The following NREP variants were observed in gnomAD, a reference collection of about 807,000 sequenced individuals.
NREP encodes the protein neuronal regeneration related protein, also known as neuronal regeneration-related protein.
A neutral mutation model predicts 8.6 loss-of-function variants in NREP; 5 were observed. That is an observed-to-expected ratio of 0.58 (90% confidence interval 0.30 to 1.22). The LOEUF (loss-of-function observed/expected upper bound fraction) is 1.22. Ranked by LOEUF, NREP falls within the 50% of genes most tolerant of loss-of-function variation. The pLI is 0.07. For missense variants in NREP, 86 were observed against 82.5 expected (o/e 1.04, Z -0.17); for synonymous variants, 27 against 28.0 (o/e 0.96, Z 0.11).
chr5:111,904,840 A>T (rs1754739366), intron 2 of NREP, among the ~76,000 whole-genome samples: 1 of 152,082 alleles, frequency 6.6e-6, no homozygotes, highest in African/African-American at 2.4e-5. Flanking sequence ...CCAAGAATAT[A>T]ACCACACCTG....
chr5:111,844,465 T>A lies in NREP; in HGVS notation c.136-108958A>T, dbSNP rs1276376157. 2.0e-5 allele frequency among the ~76,000 whole-genome samples: 3 copies of A among 151,578 alleles called. No individual in the cohort carries two copies. In the East Asian group the frequency reaches 5.8e-4, roughly 29 times the overall value. ...TGCACAATTTAAAGCATTATTTTGC[T>A]CATCATTGCTTCTTTATCTCATTTG... On this transcript the variant is annotated intron_variant, in intron 2 of 3. Transcript: ENST00000395634.
chr5:111,896,316 T>C (rs1485723763), intron 2 of NREP, among the ~76,000 whole-genome samples: 2 of 152,178 alleles, frequency 1.3e-5, no homozygotes, highest in Non-Finnish European at 2.9e-5. Context: ...ATTGAGTGGA[T>C]AGTGGTCATT....
At chr5:111,976,322 A>G (rs1756962632) in intron 1 of NREP, among the ~76,000 whole-genome samples, 3 of 152,162 alleles carry the variant, frequency 2.0e-5, no homozygotes, top group Admixed American at 6.5e-5. Flanking sequence ...TACAGCCAAC[A>G]TTCCCCTTAA....
chr5:111,886,463 C>G (rs538092500), intron 2 of NREP, among the ~76,000 whole-genome samples: 2 of 152,194 alleles, frequency 1.3e-5, no homozygotes, highest in South Asian at 2.1e-4. Flanking sequence ...CCAGCCATCC[C>G]ATTACTGAGT....
intron 2 of NREP, among the ~76,000 whole-genome samples, chr5:111,908,298 T>C (rs1754825091): frequency 6.6e-6 from 1 of 152,056 alleles, no homozygotes; most frequent in Non-Finnish European, 1.5e-5. Context: ...AACTTTTATT[T>C]TTGATTCAGG....
intron 2 of NREP, chr5:111,739,259 T>A (rs1033796017): frequency 6.6e-6 from 1 of 152,244 alleles, no homozygotes; most frequent in Admixed American, 6.5e-5. Flanking sequence ...GGGGTGGCAG[T>A]GAGCACATCT....
At chr5:111,806,446 T>C (rs1454248680) in intron 2 of NREP, among the ~76,000 whole-genome samples, 2 of 152,150 alleles carry the variant, frequency 1.3e-5, no homozygotes, top group East Asian at 3.9e-4. Flanking sequence ...TTTACGATCG[T>C]GTGTTCATAT....
At chr5:111,891,498 T>C (rs1754393053) in intron 2 of NREP, among the ~76,000 whole-genome samples, 1 of 152,232 alleles carries the variant, frequency 6.6e-6, no homozygotes. Context: ...TATTTTCAGA[T>C]ATCTGTATAG....
intron 3 of NREP, 125 bp from the exon 4 acceptor site, chr5:111,731,171 G>C (rs1309469014): frequency 1.1e-6 from 1 of 952,248 alleles, no homozygotes; most frequent in Non-Finnish European, 1.5e-6. Flanking sequence ...TTGAACTCTT[G>C]CTGTTTTGCA....
chr5:111,737,953 G>T (rs964029411), intron 2 of NREP, among the ~76,000 whole-genome samples: 3 of 151,920 alleles, frequency 2.0e-5, no homozygotes, highest in African/African-American at 2.4e-5. Flanking sequence ...AAAAATGAAC[G>T]TTGCTTTGGC....
intron 2 of NREP, among the ~76,000 whole-genome samples, chr5:111,829,468 T>A (rs1483102647): frequency 6.6e-6 from 1 of 152,220 alleles, no homozygotes; most frequent in Non-Finnish European, 1.5e-5. Context: ...AAAGACAATG[T>A]AATGTGCCTT....
At chr5:111,791,027 G>A (rs557129599) in intron 2 of NREP, among the ~76,000 whole-genome samples, 7 of 152,244 alleles carry the variant, frequency 4.6e-5, no homozygotes, top group East Asian at 3.9e-4. Flanking sequence ...ACCAATCCCC[G>A]AGTATACTGA....
chr5:111,885,718 G>A (rs1478370422), intron 2 of NREP, among the ~76,000 whole-genome samples: 1 of 152,098 alleles, frequency 6.6e-6, no homozygotes, highest in Non-Finnish European at 1.5e-5. Flanking sequence ...ACAAGCAATG[G>A]GGAAAGGATT....
At chr5:111,873,720 T>C (rs1004142367) in intron 2 of NREP, among the ~76,000 whole-genome samples, 26 of 152,182 alleles carry the variant, frequency 1.7e-4, no homozygotes, top group Non-Finnish European at 2.5e-4. Flanking sequence ...AATCCCCCCA[T>C]GTCAAGATTC....
At chr5:111,754,731 A>G (rs558570658) in intron 2 of NREP, among the ~76,000 whole-genome samples, 2 of 152,310 alleles carry the variant, frequency 1.3e-5, no homozygotes, top group Admixed American at 6.5e-5. Flanking sequence ...ATGACAAGTG[A>G]CGCATACATA....
chr5:111,951,364 T>G (rs1318215826), intron 2 of NREP, among the ~76,000 whole-genome samples: 5 of 150,318 alleles, frequency 3.3e-5, no homozygotes, highest in Admixed American at 6.6e-5. Flanking sequence ...TGATTTAGTA[T>G]TTTTTTTACA....
chr5:111,957,757 TA>T (rs1309204852), intron 2 of NREP, among the ~76,000 whole-genome samples: 1 of 151,786 alleles, frequency 6.6e-6, no homozygotes, highest in African/African-American at 2.4e-5. Context: ...AAGGTATGTG[TA>T]CAAAATACAA....
intron 2 of NREP, among the ~76,000 whole-genome samples, chr5:111,968,318 A>C (rs1756703604): frequency 6.6e-6 from 1 of 152,222 alleles, no homozygotes; most frequent in African/African-American, 2.4e-5. Context: ...TACATTTTCC[A>C]GTAAAACCTA....
chr5:111,869,684 T>C (rs1753744606), intron 2 of NREP, among the ~76,000 whole-genome samples: 1 of 152,094 alleles, frequency 6.6e-6, no homozygotes. Context: ...GGAGAAGCAA[T>C]GGATTTGCTT....
Sources: gnomAD v4.1 joint callset for allele counts (sites outside exome capture counted in the v4.1 genomes callset) on GRCh38, gnomAD v4.1.1 for gene constraint, MANE v1.5 for transcripts, NCBI Gene and HGNC (gene_info 2026-07-23, HGNC 2026-07-21) for gene names.